The following EIF2AK4 variants were observed in gnomAD, a reference collection of about 807,000 sequenced individuals.
EIF2AK4 encodes eIF-2-alpha kinase GCN2.
In EIF2AK4, 139 loss-of-function variants were observed where a neutral mutation model predicts 211.1. The ratio of observed to expected loss-of-function variants is 0.66; its 90% CI spans 0.57 to 0.76. The LOEUF (loss-of-function observed/expected upper bound fraction) is 0.76, where lower values mean the gene tolerates loss of function less well. Among genes scored for constraint, EIF2AK4 ranks in the 30% least tolerant of loss-of-function variants. The probability of loss-of-function intolerance (pLI) is 0.00; values close to 1 mark genes in which losing one functional copy is unlikely to be tolerated. For missense variants in EIF2AK4, 1,664 were observed against 2,043.8 expected, an observed-to-expected ratio of 0.81 and a Z score of 3.58; for synonymous variants, 710 against 751.3, an observed-to-expected ratio of 0.94 and a Z score of 0.90.
intron 13 of EIF2AK4, among the ~76,000 whole-genome samples, chr15:39,978,691 AATG>A (rs2034735421): frequency 6.6e-6 from 1 of 152,212 alleles, no homozygotes; most frequent in Admixed American, 6.5e-5. Flanking sequence ...TACTAACACT[AATG>A]ATAGCTGATA....
intron 3 of EIF2AK4, chr15:39,946,835 T>A (rs1189017887): frequency 1.7e-6 from 1 of 586,628 alleles, no homozygotes; most frequent in African/African-American, 1.9e-5. Flanking sequence ...GATTATGACG[T>A]CCTGAAGGTT....
At chr15:39,985,373 G>A (rs1472641875) in intron 13 of EIF2AK4, among the ~76,000 whole-genome samples, 1 of 152,116 alleles carries the variant, frequency 6.6e-6, no homozygotes, top group Non-Finnish European at 1.5e-5. Flanking sequence ...TCATAAAAAA[G>A]GGAGGAGTCC....
chr15:40,026,509 T>A (rs1474557120), intron 33 of EIF2AK4, among the ~76,000 whole-genome samples: 1 of 152,118 alleles, frequency 6.6e-6, no homozygotes, highest in Admixed American at 6.5e-5. Flanking sequence ...CAAAGATAGG[T>A]CAGGATTACT....
intron 10 of EIF2AK4, 102 bp downstream of exon 10, chr15:39,973,116 A>T: frequency 1.1e-6 from 1 of 939,898 alleles, no homozygotes; most frequent in East Asian, 2.5e-5. Context: ...GTGTTATTTT[A>T]TGTCTTTTAT....
intron 24 of EIF2AK4, among the ~76,000 whole-genome samples, 166 bp from the exon 25 acceptor site, chr15:40,007,861 A>G (rs2035181928): frequency 6.6e-6 from 1 of 152,216 alleles, no homozygotes; most frequent in African/African-American, 2.4e-5. Context: ...TGGAACCTAG[A>G]TCACAAGGCA....
At chr15:40,020,148 A>T (rs991761416) in intron 30 of EIF2AK4, among the ~76,000 whole-genome samples, 1 of 146,880 alleles carries the variant, frequency 6.8e-6, no homozygotes, top group Non-Finnish European at 1.5e-5. Flanking sequence ...AGCTTGGGCA[A>T]CAGAGCCAGA....
In EIF2AK4 at chr15:40,011,153, C is replaced by A. The variant is rs576210964; in HGVS notation, c.3694-128C>A. 7.0e-6 allele frequency: 4 copies of A among 568,578 alleles called. No homozygotes were observed. In the South Asian group the frequency reaches 1.2e-4, roughly 18 times the overall value. 35.2% of individuals were successfully genotyped at this position (568,578 alleles called of 1,614,324 possible). On this transcript the variant is annotated intron_variant, in intron 26 of 38. Transcript: ENST00000263791. ...AAATTTTTTAATCACAGAATTCAAT[C>A]TATCCTGTACCATTAGGAGCAGTTT...
At chr15:40,028,079 CTT>C (rs35186495) in intron 33 of EIF2AK4, among the ~76,000 whole-genome samples, 9 of 144,078 alleles carry the variant, frequency 6.2e-5, no homozygotes, top group South Asian at 2.2e-4. Flanking sequence ...TTTGCAACTC[CTT>C]TTTTTTTTTT....
At chr15:39,988,168 A>G (rs2034892567) in intron 15 of EIF2AK4, 63 bp downstream of exon 15, 2 of 1,573,916 alleles carry the variant, frequency 1.3e-6, no homozygotes, top group Non-Finnish European at 1.7e-6. Context: ...ACTGCATAAA[A>G]ATATCAAATG....
chr15:40,003,120 T>A (rs2035114570), intron 22 of EIF2AK4, 73 bp from the exon 23 acceptor site: 1 of 1,576,950 alleles, frequency 6.3e-7, no homozygotes, highest in Non-Finnish European at 8.6e-7. Flanking sequence ...CTGTCAGGTT[T>A]GTGTTAATTT....
intron 4 of EIF2AK4, among the ~76,000 whole-genome samples, 160 bp downstream of exon 4, chr15:39,949,428 A>G (rs1237812296): frequency 1.3e-5 from 2 of 152,188 alleles, no homozygotes; most frequent in Admixed American, 6.5e-5. Context: ...AATATGAGTG[A>G]TTCCCTCCTG....
At chr15:40,022,266 G>T in intron 31 of EIF2AK4, 4 of 320,550 alleles carry the variant, frequency 1.2e-5, no homozygotes, top group East Asian at 6.6e-5. Context: ...TGAAGCTTTT[G>T]AAAACCTCTT....
At chr15:40,010,212 C>G (rs1430904967) in intron 26 of EIF2AK4, among the ~76,000 whole-genome samples, 1 of 152,224 alleles carries the variant, frequency 6.6e-6, no homozygotes, top group Non-Finnish European at 1.5e-5. Context: ...TATTACCTTT[C>G]CTTTAGAGAC....
intron 33 of EIF2AK4, among the ~76,000 whole-genome samples, chr15:40,028,461 T>C (rs1001013887): frequency 6.6e-6 from 1 of 152,210 alleles, no homozygotes; most frequent in Middle Eastern, 3.2e-3. Context: ...CATTTTTGGT[T>C]GTCACAACTG....
At chr15:39,947,446 A>G (rs1029883982) in intron 3 of EIF2AK4, among the ~76,000 whole-genome samples, 1 of 152,236 alleles carries the variant, frequency 6.6e-6, no homozygotes, top group South Asian at 2.1e-4. Context: ...TCATGTAAAA[A>G]TAAACTTAAG....
At chr15:39,965,917 C>T in intron 8 of EIF2AK4, 74 bp downstream of exon 8, 1 of 1,563,796 alleles carries the variant, frequency 6.4e-7, no homozygotes. Context: ...CAAAATAGCC[C>T]TGCATTTGTT....
At chr15:39,999,409 T>C (rs1317681477) in intron 20 of EIF2AK4, among the ~76,000 whole-genome samples, 1 of 152,180 alleles carries the variant, frequency 6.6e-6, no homozygotes, top group Non-Finnish European at 1.5e-5. Context: ...GTACAGTGGT[T>C]AATACTCTTG....
intron 36 of EIF2AK4, among the ~76,000 whole-genome samples, chr15:40,032,480 A>G (rs1048198335): frequency 3.3e-5 from 5 of 152,248 alleles, no homozygotes; most frequent in Non-Finnish European, 5.9e-5. Flanking sequence ...TTTCCTACAT[A>G]TATCAGGCCT....
intron 6 of EIF2AK4, among the ~76,000 whole-genome samples, chr15:39,956,210 TGGCCA>T (rs1478408395): frequency 4.6e-5 from 7 of 152,092 alleles, no homozygotes; most frequent in Admixed American, 6.5e-5. Context: ...TTCACTGTGT[TGGCCA>T]GGCTGGTCTC....
Sources: gnomAD v4.1 joint callset for allele counts (sites outside exome capture counted in the v4.1 genomes callset) on GRCh38, gnomAD v4.1.1 for gene constraint, MANE v1.5 for transcripts, NCBI Gene and HGNC (gene_info 2026-07-23, HGNC 2026-07-21) for gene names.